Variants in OXSM observed in about 807,000 individuals in gnomAD.
The protein encoded by OXSM is 3-oxoacyl-[acyl-carrier-protein] synthase, mitochondrial.
Under a neutral mutation model 29.2 loss-of-function variants are expected in OXSM, and 19 were observed. The ratio of observed to expected loss-of-function variants is 0.65; its 90% CI spans 0.45 to 0.96. The LOEUF (loss-of-function observed/expected upper bound fraction) is 0.96, where lower values mean the gene tolerates loss of function less well. OXSM is among the 40% of genes least tolerant of loss of function. The probability of loss-of-function intolerance (pLI) is 0.00; values close to 1 mark genes in which losing one functional copy is unlikely to be tolerated. For missense variants in OXSM, 554 were observed against 551.3 expected, an observed-to-expected ratio of 1.00 and a Z score of -0.05; for synonymous variants, 178 against 197.1, an observed-to-expected ratio of 0.90 and a Z score of 0.81.
At position 25,790,118 on chromosome 3, in the gene OXSM, G is replaced by GCA; in HGVS notation, c.-61_-60insCA. 1.7e-6 allele frequency: 1 copy of GCA among 576,700 alleles called. No individual in the cohort carries two copies. Among genetic ancestry groups the GCA allele is most frequent in the Non-Finnish European group, 3.1e-6 (1 of 324,388 alleles). The allele number at this position is 576,700 out of a possible 1,614,324, so 35.7% of individuals were successfully genotyped here. A position where few individuals can be genotyped will look rare whatever the true frequency, so the allele number is the denominator to read the frequency against. On this transcript the variant is annotated 5_prime_UTR_variant, in exon 1 of 3. Transcript: ENST00000280701. ...CGAGAGCGTCATCGCCCCCGACTGT[G>GCA]GAGAAGTGTCCGGGGTAGCCCCGTT...
At chr3:25,790,210 G>T in intron 1 of OXSM, 63 bp downstream of exon 1, 3 of 422,860 alleles carry the variant, frequency 7.1e-6, no homozygotes, top group Non-Finnish European at 1.3e-5. Flanking sequence ...ATCAAGTCGG[G>T]GTTGAATTTC....
chr3:25,791,617 G>T lies in OXSM; in HGVS notation c.597G>T (p.Lys199Asn). The change falls in exon 2 of 3, where the codon AAG becomes AAT. Residue 199 changes from lysine to asparagine, a missense_variant. Physicochemically the swap from Lys to Asn is moderately conservative, Grantham distance 94 (BLOSUM62 0). Coordinates refer to ENST00000280701, the MANE Select transcript of OXSM (RefSeq NM_017897.3). ...AGGTCAGCATTCGATATAAACTCAA[G>T]GGCCCAAATCATGCAGTATCCACAG... is the stretch of plus-strand genomic sequence containing the variant. ...AGQVSIRYKL[K>N]GPNHAVSTAC... 1 of 1,614,194 alleles carries T rather than the reference G, an allele frequency of 6.2e-7. No individual in the cohort carries two copies. Among genetic ancestry groups the T allele is most frequent in the Non-Finnish European group, 8.5e-7 (1 of 1,180,026 alleles).
chr3:25,790,515 G>A (rs1321558625), intron 1 of OXSM: 1 of 164,504 alleles, frequency 6.1e-6, no homozygotes, highest in African/African-American at 2.4e-5. Context: ...TCAGTCTAGG[G>A]CTCTTGGCCC....
rs748867587 is a variant in OXSM, at chr3:25,791,178, C to T, written c.158C>T (p.Thr53Ile). 1.3e-5 allele frequency: 21 copies of T among 1,614,068 alleles called. No individual in the cohort carries two copies. The highest frequency in any genetic ancestry group is 1.7e-5 in the Non-Finnish European group (20 of 1,179,996). The change falls in exon 2 of 3, where the codon ACT (threonine) becomes ATT (isoleucine). Residue 53 changes from threonine (T) to isoleucine (I), a missense_variant. Thr to Ile is a moderately conservative substitution (Grantham distance 89, BLOSUM62 -1). Transcript: ENST00000280701. ...RVVITGIGLVTPLGVGTHLVW... is the reference protein window; with the variant it reads ...RVVITGIGLVIPLGVGTHLVW... ...GTCATTACAGGCATTGGCTTAGTGA[C>T]TCCTCTTGGTGTTGGAACTCACCTG... is the stretch of plus-strand genomic sequence containing the variant.
intron 2 of OXSM, among the ~76,000 whole-genome samples, chr3:25,792,581 A>G (rs1575677805): frequency 6.6e-6 from 1 of 152,054 alleles, no homozygotes; most frequent in Non-Finnish European, 1.5e-5. Flanking sequence ...GGCTCAAGCA[A>G]TCCTCTCACC....
At position 25,794,126 on chromosome 3, in the gene OXSM, C is replaced by T; in HGVS notation, c.1012C>T (p.Gln338Ter). 1 of 1,613,556 alleles carries T rather than the reference C, an allele frequency of 6.2e-7. No individual in the cohort carries two copies. The highest frequency in any genetic ancestry group is 2.2e-5 in the East Asian group (1 of 44,878). ...MAAALKDAGVQPEEISYINAH... is the reference protein window; with the variant it reads ...MAAALKDAGV ...TGCTGCTTTAAAAGATGCAGGTGTG[C>T]AGCCTGAGGAGATATCCTATATCAA... Residue 338 changes from glutamine (Q) to a stop codon, truncating the protein, a stop_gained, in exon 3 of 3, where the codon CAG becomes TAG. Transcript: ENST00000280701. LOFTEE classifies it high-confidence loss of function.
At chr3:25,790,251 T>C (rs370445586) in intron 1 of OXSM, 104 bp downstream of exon 1, 44 of 364,556 alleles carry the variant, frequency 1.2e-4, no homozygotes, top group African/African-American at 6.2e-4. Flanking sequence ...TGGGGCCTGA[T>C]TTCTTTTTCT....
At chr3:25,793,342 T>C (rs1317644070) in intron 2 of OXSM, among the ~76,000 whole-genome samples, 4 of 152,040 alleles carry the variant, frequency 2.6e-5, no homozygotes, top group Non-Finnish European at 4.4e-5. Context: ...ATGTCAAGCA[T>C]AGTAACAAAA....
chr3:25,791,736 G>T lies in OXSM; in HGVS notation c.716G>T (p.Cys239Phe). Reference sequence around the variant, plus strand: ...ATGGTGGCTGGAGGTACAGATTCTTGTATTAGCCCTTTATCTCTTGCTGGG... The same window carrying T: ...ATGGTGGCTGGAGGTACAGATTCTTTTATTAGCCCTTTATCTCTTGCTGGG... ...DVMVAGGTDS[C>F]ISPLSLAGFS... is the part of the protein sequence containing the mutation. The change falls in exon 2 of 3, where the codon TGT (cysteine) becomes TTT (phenylalanine). Residue 239 changes from cysteine (C) to phenylalanine (F), a missense_variant. Transcript: ENST00000280701. 1 of 1,614,174 alleles carries T rather than the reference G, an allele frequency of 6.2e-7. No homozygotes were observed. Among genetic ancestry groups the T allele is most frequent in the South Asian group, 1.1e-5 (1 of 91,082 alleles).
rs991552536 is a variant in OXSM at position 25,791,586 on chromosome 3, C to T, written c.566C>T (p.Ala189Val). 3 of 1,614,120 alleles carry T rather than the reference C, an allele frequency of 1.9e-6. No individual in the cohort carries two copies. The highest frequency in any genetic ancestry group is 2.7e-5 in the African/African-American group (2 of 75,024). ...CCTAAGATTCTGGTCAATATGGCAG[C>T]AGGCCAGGTCAGCATTCGATATAAA... is the stretch of plus-strand genomic sequence containing the variant. ...FVPKILVNMA[A>V]GQVSIRYKLK... Residue 189 changes from alanine (A) to valine (V), a missense_variant, in exon 2 of 3, where the codon GCA becomes GTA. By Grantham distance (64) the Ala-to-Val change is moderately conservative. Transcript: ENST00000280701.
In OXSM at chr3:25,794,324, TATCAA is replaced by T. The variant is rs1402716637; in HGVS notation, c.1212_1216del (p.Tyr404Ter). The T allele has an allele frequency of 2.5e-6, 4 of 1,614,102 alleles. No individual in the cohort carries two copies. In the African/African-American group the frequency reaches 5.3e-5, roughly 22 times the overall value. ...AGCTTTTACCACATTAGCTTGTTAT[TATCAA>T]AAACTACCACCTACTTTAAACCTGG... On this transcript the variant is annotated frameshift_variant, in exon 3 of 3. Coordinates refer to ENST00000280701, the MANE Select transcript of OXSM (RefSeq NM_017897.3). LOFTEE classifies it high-confidence loss of function.
At chr3:25,793,436 T>C (rs565700028) in intron 2 of OXSM, among the ~76,000 whole-genome samples, 28 of 152,306 alleles carry the variant, frequency 1.8e-4, no homozygotes, top group African/African-American at 6.7e-4. Context: ...GAAATATATA[T>C]ACACACACAA....
At chr3:25,792,258 T>C (rs1049319087) in intron 2 of OXSM, among the ~76,000 whole-genome samples, 3 of 152,238 alleles carry the variant, frequency 2.0e-5, no homozygotes, top group Admixed American at 6.5e-5. Flanking sequence ...TGCCAACTTT[T>C]CACGCCTGCA....
At position 25,794,187 on chromosome 3, in the gene OXSM, C is replaced by T; in HGVS notation, c.1073C>T (p.Ala358Val). The T allele has an allele frequency of 6.2e-7, 1 of 1,614,182 alleles. No individual in the cohort carries two copies. Among genetic ancestry groups the T allele is most frequent in the Non-Finnish European group, 8.5e-7 (1 of 1,180,018 alleles). Residue 358 changes from alanine to valine, a missense_variant, in exon 3 of 3, where the codon GCT becomes GTT. Physicochemically the swap from Ala to Val is moderately conservative, Grantham distance 64 (BLOSUM62 0). Transcript: ENST00000280701. ...ACTTCCACACCATTGGGAGATGCTG[C>T]TGAAAACAAAGCTATCAAACATCTC... is the stretch of plus-strand genomic sequence containing the variant. Reference protein sequence around the residue: ...HATSTPLGDAAENKAIKHLFK... With the variant: ...HATSTPLGDAVENKAIKHLFK...
chr3:25,794,321 TA>T lies in OXSM; in HGVS notation c.1208del (p.Tyr403PhefsTer9), dbSNP rs1385939247. ...GGCAGCTTTTACCACATTAGCTTGTTATTATCAAAAACTACCACCTACTTTA... is the reference window on the plus strand; with the variant it reads ...GGCAGCTTTTACCACATTAGCTTGTTTTATCAAAAACTACCACCTACTTTA... ...VEAAFTTLAC[Y>X]YQKLPPTLNL... On this transcript the variant is annotated frameshift_variant, in exon 3 of 3. Coordinates refer to ENST00000280701, the MANE Select transcript of OXSM (RefSeq NM_017897.3). LOFTEE classifies it high-confidence loss of function. 4 of 1,614,116 alleles carry T rather than the reference TA, an allele frequency of 2.5e-6. No individual in the cohort carries two copies. The African/African-American group carries it at 5.3e-5, about 22-fold the overall frequency.
intron 1 of OXSM, chr3:25,790,762 C>A: frequency 2.6e-6 from 1 of 388,092 alleles, no homozygotes; most frequent in Non-Finnish European, 4.6e-6. Context: ...AATGAATCAT[C>A]AATTCATTTA....
At chr3:25,792,504 T>G (rs1246355014) in intron 2 of OXSM, among the ~76,000 whole-genome samples, 1 of 152,230 alleles carries the variant, frequency 6.6e-6, no homozygotes, top group African/African-American at 2.4e-5. Flanking sequence ...TTGTTTTGTT[T>G]TTTTAGAGAC....
chr3:25,794,143 C>G lies in OXSM; in HGVS notation c.1029C>G (p.Ser343=). The change falls in exon 3 of 3, where the codon TCC becomes TCG. Residue 343 remains serine (S), a synonymous_variant. Transcript: ENST00000280701. ...KDAGVQPEEI[S]YINAHATSTP... is the part of the protein sequence containing the mutation. ...CAGGTGTGCAGCCTGAGGAGATATCCTATATCAATGCACATGCTACTTCCA... is the reference window on the plus strand; with the variant it reads ...CAGGTGTGCAGCCTGAGGAGATATCGTATATCAATGCACATGCTACTTCCA... 2 of 1,614,070 alleles carry G rather than the reference C, an allele frequency of 1.2e-6. No homozygotes were observed. Among genetic ancestry groups the G allele is most frequent in the South Asian group, 1.1e-5 (1 of 91,074 alleles).
Position 25,791,879 on chromosome 3 carries a change from G to A in OXSM, c.859G>A (p.Glu287Lys), listed in dbSNP as rs1708765159. 1 of 1,611,678 alleles carries A rather than the reference G, an allele frequency of 6.2e-7. No homozygotes were observed. Among genetic ancestry groups the A allele is most frequent in the African/African-American group, 1.3e-5 (1 of 74,930 alleles). ...GEGAAVLVLE[E>K]YEHAVQRRAR... ...AGGTGCAGCTGTGCTGGTGCTGGAA[G>A]AATATGAACATGCTGTTCAAAGAAG... is the stretch of plus-strand genomic sequence containing the variant. Residue 287 changes from glutamate to lysine, a missense_variant, in exon 2 of 3, where the codon GAA (glutamate) becomes AAA (lysine). Transcript: ENST00000280701.
Sources: allele counts gnomAD v4.1 joint callset (sites outside exome capture counted in the v4.1 genomes callset), GRCh38; gene constraint gnomAD v4.1.1; transcripts MANE v1.5; gene names NCBI Gene and HGNC (gene_info 2026-07-23, HGNC 2026-07-21).